Variants in E2F5 observed in about 807,000 individuals in gnomAD.
E2F5 encodes transcription factor E2F5.
A neutral mutation model predicts 39.1 loss-of-function variants in E2F5; 23 were observed. The observed-to-expected ratio is 0.59, with a 90% CI of 0.42 to 0.83. The LOEUF is 0.83. Among genes scored for constraint, E2F5 ranks in the 40% least tolerant of loss-of-function variants. The pLI is 0.00. For missense variants in E2F5, 365 were observed against 406.7 expected, an observed-to-expected ratio of 0.90 and a Z score of 0.88; for synonymous variants, 145 against 157.8, an observed-to-expected ratio of 0.92 and a Z score of 0.61.
At chr8:85,210,403 C>T (rs916773990) in intron 6 of E2F5, among the ~76,000 whole-genome samples, 6 of 152,038 alleles carry the variant, frequency 3.9e-5, no homozygotes, top group Non-Finnish European at 7.4e-5. Context: ...GCTGGCTGGG[C>T]GTGGTGGCTC....
intron 1 of E2F5, among the ~76,000 whole-genome samples, chr8:85,192,335 G>T (rs1812483562): frequency 6.6e-6 from 1 of 152,126 alleles, no homozygotes; most frequent in Non-Finnish European, 1.5e-5. Context: ...CAGCCTATCG[G>T]AATTATAGGT....
chr8:85,204,574 T>C (rs963904933), intron 3 of E2F5, among the ~76,000 whole-genome samples: 3 of 150,564 alleles, frequency 2.0e-5, no homozygotes, highest in Admixed American at 2.0e-4. Context: ...GAGAGCATTA[T>C]GAGATATACC....
intron 1 of E2F5, among the ~76,000 whole-genome samples, chr8:85,179,576 T>C (rs528448590): frequency 7.6e-4 from 116 of 151,872 alleles, no homozygotes; most frequent in African/African-American, 2.7e-3. Flanking sequence ...TCTTTAGTTT[T>C]CATATATATG....
At position 85,190,497 on chromosome 8, in the gene E2F5, C is replaced by CTTTTTT. The variant is rs34804570; in HGVS notation, c.235-11631_235-11626dup. ...TGATTTTAAGATGGGGAGATTTTTCCTTTTTTTTTTTTTTTTTTTTTTTTG... is the reference window on the plus strand; with the variant it reads ...TGATTTTAAGATGGGGAGATTTTTCCTTTTTTTTTTTTTTTTTTTTTTTTTTTTTTG... On this transcript the variant is annotated intron_variant, in intron 1 of 7. Coordinates refer to ENST00000416274, the MANE Select transcript of E2F5 (RefSeq NM_001951.4). Among the ~76,000 whole-genome samples the CTTTTTT allele has an allele frequency of 4.1e-4, 29 of 70,326 alleles. 1 individual carries two copies. The highest frequency in any genetic ancestry group is 4.8e-4 in the African/African-American group (8 of 16,712). 46.1% of individuals were successfully genotyped at this position (70,326 alleles called of 152,430 possible). A position where few individuals can be genotyped will look rare whatever the true frequency, so the allele number is the denominator to read the frequency against.
intron 1 of E2F5, among the ~76,000 whole-genome samples, chr8:85,180,508 A>G (rs1812183094): frequency 1.6e-5 from 1 of 64,480 alleles, no homozygotes; most frequent in Non-Finnish European, 2.8e-5. Context: ...TAAAGAAACT[A>G]TACATATATA....
chr8:85,214,259 G>C lies in E2F5; in HGVS notation c.*397G>C, dbSNP rs1412802807. ...CTGCCACTAAACTGCCTGTATTTCT[G>C]TATGTCCTTCTATCCAAACAGACGT... On this transcript the variant is annotated 3_prime_UTR_variant, in exon 8 of 8. Transcript: ENST00000416274. 1.8e-6 allele frequency: 1 copy of C among 560,160 alleles called. No homozygotes were observed. The highest frequency in any genetic ancestry group is 1.6e-5 in the South Asian group (1 of 63,100). 34.7% of individuals were successfully genotyped at this position (560,160 alleles called of 1,614,324 possible). A position where few individuals can be genotyped will look rare whatever the true frequency, so the allele number is the denominator to read the frequency against.
intron 1 of E2F5, among the ~76,000 whole-genome samples, chr8:85,189,891 G>A (rs769790977): frequency 2.0e-5 from 3 of 152,026 alleles, no homozygotes; most frequent in Non-Finnish European, 4.4e-5. Context: ...GCAGTTCCAC[G>A]CTTTTCACAC....
Position 85,207,606 on chromosome 8 carries a change from T to C in E2F5, c.615+117T>C, listed in dbSNP as rs1812825848. On this transcript the variant is annotated intron_variant, in intron 5 of 7. Coordinates refer to ENST00000416274, the MANE Select transcript of E2F5 (RefSeq NM_001951.4). ...TGTAAACACTGTGAGTTAGTCAAGTTTTTATCTAAAAGTATTGATAGCTGA... is the reference window on the plus strand; with the variant it reads ...TGTAAACACTGTGAGTTAGTCAAGTCTTTATCTAAAAGTATTGATAGCTGA... The C allele has an allele frequency of 1.1e-5, 8 of 751,856 alleles. No homozygotes were observed. The East Asian group carries it at 2.3e-4, about 22-fold the overall frequency. The allele number at this position is 751,856 out of a possible 1,614,324, so 46.6% of individuals were successfully genotyped here. A position where few individuals can be genotyped will look rare whatever the true frequency, so the allele number is the denominator to read the frequency against.
chr8:85,182,979 C>CT (rs1812251844), intron 1 of E2F5, among the ~76,000 whole-genome samples: 2 of 152,128 alleles, frequency 1.3e-5, no homozygotes, highest in African/African-American at 2.4e-5. Context: ...TGGCCGGGCC[C>CT]GGTGGTTCAC....
At chr8:85,179,261 G>T (rs1442473525) in intron 1 of E2F5, among the ~76,000 whole-genome samples, 2 of 152,142 alleles carry the variant, frequency 1.3e-5, no homozygotes, top group Admixed American at 1.3e-4. Context: ...GGAAGTTTGG[G>T]GTTTTCCAGG....
chr8:85,210,804 G>C (rs1013603369), intron 6 of E2F5, among the ~76,000 whole-genome samples: 6 of 152,096 alleles, frequency 3.9e-5, no homozygotes, highest in Non-Finnish European at 5.9e-5. Context: ...CTTCAACAAA[G>C]TGTTTTTAAA....
chr8:85,200,696 C>T (rs908680353), intron 1 of E2F5, among the ~76,000 whole-genome samples: 1 of 152,256 alleles, frequency 6.6e-6, no homozygotes, highest in African/African-American at 2.4e-5. Context: ...AGATTTGTAC[C>T]GTTAACTTTG....
At chr8:85,183,778 G>A (rs903827258) in intron 1 of E2F5, among the ~76,000 whole-genome samples, 30 of 152,176 alleles carry the variant, frequency 2.0e-4, no homozygotes, top group African/African-American at 7.2e-4. Flanking sequence ...CTTAATGGAT[G>A]TTATAGGCTG....
chr8:85,206,331 A>C, intron 4 of E2F5, 111 bp downstream of exon 4: 1 of 1,064,676 alleles, frequency 9.4e-7, no homozygotes, highest in Non-Finnish European at 1.4e-6. Context: ...AGTTGTGGGC[A>C]TTGTGTCTCA....
At chr8:85,198,436 G>A (rs1054602129) in intron 1 of E2F5, among the ~76,000 whole-genome samples, 2 of 151,748 alleles carry the variant, frequency 1.3e-5, no homozygotes, top group African/African-American at 4.8e-5. Flanking sequence ...TTCAAGAGTT[G>A]TCTATTCTAG....
intron 1 of E2F5, chr8:85,200,246 C>CAA (rs201729770): frequency 3.2e-4 from 228 of 717,034 alleles, no homozygotes; most frequent in South Asian, 5.1e-4. Flanking sequence ...GACTCTGTCT[C>CAA]AAAAAAAAAA....
At chr8:85,206,896 T>C (rs2129741609) in intron 4 of E2F5, among the ~76,000 whole-genome samples, 1 of 152,338 alleles carries the variant, frequency 6.6e-6, no homozygotes, top group South Asian at 2.1e-4. Context: ...TATGTAAGAC[T>C]ATGTTGGAAA....
chr8:85,210,159 A>AAC (rs1389476488), intron 6 of E2F5, among the ~76,000 whole-genome samples: 1 of 152,204 alleles, frequency 6.6e-6, no homozygotes, highest in East Asian at 1.9e-4. Context: ...GCCAATATAG[A>AAC]CATCATATTG....
chr8:85,190,718 G>A (rs1012352999), intron 1 of E2F5, among the ~76,000 whole-genome samples: 10 of 151,844 alleles, frequency 6.6e-5, no homozygotes, highest in African/African-American at 2.4e-4. Flanking sequence ...TGGTCAGGCT[G>A]GTCTCGAACT....
Sources: gnomAD v4.1 joint callset for allele counts (sites outside exome capture counted in the v4.1 genomes callset) on GRCh38, gnomAD v4.1.1 for gene constraint, MANE v1.5 for transcripts, NCBI Gene and HGNC (gene_info 2026-07-23, HGNC 2026-07-21) for gene names.